The following ESR2 variants were observed in gnomAD, a reference collection of about 807,000 sequenced individuals.
ESR2 encodes the protein estrogen receptor beta.
A neutral mutation model predicts 49.6 loss-of-function variants in ESR2; 36 were observed. That is an observed-to-expected ratio of 0.73 (90% confidence interval 0.56 to 0.96). ESR2 has a LOEUF of 0.96. Among genes scored for constraint, ESR2 ranks in the 40% least tolerant of loss-of-function variants. The probability of loss-of-function intolerance (pLI) is 0.00; values close to 1 mark genes in which losing one functional copy is unlikely to be tolerated. For synonymous variants in ESR2, 320 were observed against 266.1 expected, an observed-to-expected ratio of 1.20 and a Z score of -1.97; for missense variants, 714 against 693.0, an observed-to-expected ratio of 1.03 and a Z score of -0.34.
intron 1 of ESR2, among the ~76,000 whole-genome samples, chr14:64,323,275 T>C (rs1350374946): frequency 1.3e-5 from 2 of 152,186 alleles, no homozygotes; most frequent in Admixed American, 1.3e-4. Context: ...TGGTGCAATC[T>C]TGGCTCACTG....
chr14:64,311,528 TA>T (rs1224604696), intron 1 of ESR2, among the ~76,000 whole-genome samples: 4 of 151,376 alleles, frequency 2.6e-5, no homozygotes, highest in African/African-American at 9.7e-5. Context: ...TAGTCCCAGC[TA>T]CTCAGGAGGC....
chr14:64,233,576 T>C, intron 8 of ESR2: 1 of 455,326 alleles, frequency 2.2e-6, no homozygotes, highest in Non-Finnish European at 3.9e-6. Flanking sequence ...CAATCAATCC[T>C]CATTGTTTGC....
chr14:64,271,432 T>C (rs1473135836), intron 3 of ESR2, among the ~76,000 whole-genome samples: 1 of 152,058 alleles, frequency 6.6e-6, no homozygotes, highest in African/African-American at 2.4e-5. Context: ...TTCAAGCAAT[T>C]CTCCTGCCTC....
chr14:64,249,287 C>CA (rs2075936691), intron 7 of ESR2, among the ~76,000 whole-genome samples: 1 of 151,224 alleles, frequency 6.6e-6, no homozygotes, highest in Non-Finnish European at 1.5e-5. Context: ...TTTAAAGTTC[C>CA]TTTTTTTTTC....
At chr14:64,236,731 C>G (rs1286456836) in intron 7 of ESR2, among the ~76,000 whole-genome samples, 1 of 152,074 alleles carries the variant, frequency 6.6e-6, no homozygotes, top group East Asian at 1.9e-4. Context: ...CCTGTAGATT[C>G]CAACCTGGTC....
chr14:64,243,601 G>A (rs577871442), intron 7 of ESR2, among the ~76,000 whole-genome samples: 1 of 152,318 alleles, frequency 6.6e-6, no homozygotes, highest in Admixed American at 6.5e-5. Context: ...CTCCAGGCTT[G>A]CTTTTTTGTT....
At position 64,260,599 on chromosome 14, in the gene ESR2, G is replaced by A. The variant is rs774048787; in HGVS notation, c.802C>T (p.Leu268=). 1 of 1,610,622 alleles carries A rather than the reference G, an allele frequency of 6.2e-7. No homozygotes were observed. Among genetic ancestry groups the A allele is most frequent in the Admixed American group, 1.7e-5 (1 of 59,530 alleles). The part of the protein sequence containing the change: ...LLLDALSPEQ[L]VLTLLEAEPP... ...TCAGCCTCCAGGAGGGTGAGCACTA[G>A]CTGCTCGGGGCTCAGGGCGTCCAGC... The change falls in exon 5 of 9, where the codon CTA becomes TTA. Residue 268 remains leucine (L), a synonymous_variant. Coordinates refer to ENST00000341099, the MANE Select transcript of ESR2 (RefSeq NM_001437.3).
In ESR2 at chr14:64,231,704, A is replaced by G. The variant is rs1333871977; in HGVS notation, c.*1433T>C. The G allele has an allele frequency of 1.3e-5, 2 of 152,248 alleles. No homozygotes were observed. The highest frequency in any genetic ancestry group is 1.3e-4 in the Admixed American group (2 of 15,288). 9.4% of individuals were successfully genotyped at this position (152,248 alleles called of 1,614,324 possible). A position where few individuals can be genotyped will look rare whatever the true frequency, so the allele number is the denominator to read the frequency against. Reference sequence around the variant, plus strand: ...TCAAAAAGAAAATATATTTAATATCATATCACAAGGTAATTGTTTAAAACG... The same window carrying G: ...TCAAAAAGAAAATATATTTAATATCGTATCACAAGGTAATTGTTTAAAACG... On this transcript the variant is annotated 3_prime_UTR_variant, in exon 9 of 9. Coordinates refer to ENST00000341099, the MANE Select transcript of ESR2 (RefSeq NM_001437.3).
At chr14:64,280,241 T>A in intron 2 of ESR2, 88 bp from the exon 3 acceptor site, 1 of 929,388 alleles carries the variant, frequency 1.1e-6, no homozygotes, top group South Asian at 1.5e-5. Flanking sequence ...GAACATTGCC[T>A]AATTTAATCT....
intron 7 of ESR2, among the ~76,000 whole-genome samples, chr14:64,248,335 T>A (rs1477036790): frequency 1.3e-5 from 2 of 151,446 alleles, no homozygotes; most frequent in Admixed American, 1.3e-4. Flanking sequence ...CAAGATTCTG[T>A]CTCTACAAAA....
intron 1 of ESR2, among the ~76,000 whole-genome samples, chr14:64,315,712 T>C (rs1054503763): frequency 6.6e-6 from 1 of 151,344 alleles, no homozygotes; most frequent in Non-Finnish European, 1.5e-5. Context: ...TGGAGTGCAG[T>C]GGCATGATCT....
At chr14:64,295,836 G>C (rs367583640), upstream of ESR2, among the ~76,000 whole-genome samples, 3 of 152,106 alleles carry the variant, frequency 2.0e-5, no homozygotes, top group Non-Finnish European at 4.4e-5. Context: ...ACGAGGTCAG[G>C]AGTTTGAGAC....
chr14:64,301,820 A>G (rs1034718390), intron 1 of ESR2, among the ~76,000 whole-genome samples: 1 of 152,162 alleles, frequency 6.6e-6, no homozygotes, highest in Non-Finnish European at 1.5e-5. Flanking sequence ...CGTGCCTGAC[A>G]CTTTGTAAAT....
At chr14:64,268,099 T>C (rs969156523) in intron 4 of ESR2, among the ~76,000 whole-genome samples, 2 of 152,198 alleles carry the variant, frequency 1.3e-5, no homozygotes, top group African/African-American at 4.8e-5. Context: ...AGCTGGGTGT[T>C]GGCATCTTTG....
At chr14:64,227,915 T>A, downstream of ESR2, 3 of 1,597,796 alleles carry the variant, frequency 1.9e-6, no homozygotes, top group Non-Finnish European at 2.5e-6. Flanking sequence ...ATGAATGAAT[T>A]GCTTTTCTCC....
chr14:64,320,316 A>G (rs2077310449), intron 1 of ESR2, among the ~76,000 whole-genome samples: 1 of 152,128 alleles, frequency 6.6e-6, no homozygotes, highest in African/African-American at 2.4e-5. Context: ...CTGTAGTCCC[A>G]GCTACTCAGG....
chr14:64,249,662 A>C lies in ESR2; in HGVS notation c.1109T>G (p.Val370Gly). 1 of 1,613,790 alleles carries C rather than the reference A, an allele frequency of 6.2e-7. No homozygotes were observed. Among genetic ancestry groups the C allele is most frequent in the South Asian group, 1.1e-5 (1 of 91,024 alleles). The change falls in exon 7 of 9, where the codon GTA becomes GGA. Residue 370 changes from valine (V) to glycine (G), a missense_variant. Physicochemically the swap from Val to Gly is moderately radical, Grantham distance 109. Coordinates refer to ENST00000341099, the MANE Select transcript of ESR2 (RefSeq NM_001437.3). Reference protein sequence around the residue: ...LVLDRDEGKCVEGILEIFDML... With the variant: ...LVLDRDEGKCGEGILEIFDML... The stretch of plus-strand genomic sequence containing the variant: ...GTCAAAGATTTCCAGAATTCCTTCT[A>C]CGCATTTCCCCTCATCCCTACAAAA...
chr14:64,307,935 CTTAA>C (rs1321101604), intron 1 of ESR2, among the ~76,000 whole-genome samples: 2 of 152,182 alleles, frequency 1.3e-5, no homozygotes, highest in African/African-American at 4.8e-5. Flanking sequence ...CTGCTCCAAT[CTTAA>C]TTATTTCCTG....
chr14:64,295,215 T>C (rs1413422435), upstream of ESR2, among the ~76,000 whole-genome samples: 2 of 152,164 alleles, frequency 1.3e-5, no homozygotes, highest in South Asian at 4.1e-4. Context: ...CAGTGTCACA[T>C]CTGTGCCTAA....
Sources: allele counts gnomAD v4.1 joint callset (sites outside exome capture counted in the v4.1 genomes callset), GRCh38; gene constraint gnomAD v4.1.1; transcripts MANE v1.5; gene names NCBI Gene and HGNC (gene_info 2026-07-23, HGNC 2026-07-21).